The following MED17 variants were observed in gnomAD, a reference collection of about 807,000 sequenced individuals.
MED17 encodes the protein mediator complex subunit 17.
A neutral mutation model predicts 80.8 loss-of-function variants in MED17; 49 were observed. That is an observed-to-expected ratio of 0.61 (90% confidence interval 0.48 to 0.77). MED17 has a LOEUF of 0.77. Among genes scored for constraint, MED17 ranks in the 30% least tolerant of loss-of-function variants. The pLI is 0.00. For missense variants in MED17, 718 were observed against 787.0 expected, an observed-to-expected ratio of 0.91 and a Z score of 1.05; for synonymous variants, 281 against 280.4, an observed-to-expected ratio of 1.00 and a Z score of -0.02.
chr11:93,806,809 C>G (rs1044103760), intron 9 of MED17: 29 of 152,180 alleles, frequency 1.9e-4, no homozygotes, highest in African/African-American at 6.5e-4. Context: ...TTGGATTTTC[C>G]TGGATGGTGG....
chr11:93,793,319 TTGGTCTTGGC>T (rs1405035350), intron 3 of MED17: 1 of 190,080 alleles, frequency 5.3e-6, no homozygotes, highest in Non-Finnish European at 1.1e-5. Context: ...TTTCTCCATG[TTGGTCTTGGC>T]TGGTCTTGAA....
Position 93,784,449 on chromosome 11 carries a change from C to A in MED17, c.-65C>A. Reference sequence around the variant, plus strand: ...AGTTCCCGGCTCTCCGCAGGGAAGCCTCCTCTTCGTACCTCGTTTTTTGGC... The same window carrying A: ...AGTTCCCGGCTCTCCGCAGGGAAGCATCCTCTTCGTACCTCGTTTTTTGGC... On this transcript the variant is annotated 5_prime_UTR_variant, in exon 1 of 12. Transcript: ENST00000251871. 1.3e-6 allele frequency: 2 copies of A among 1,541,986 alleles called. No homozygotes were observed. The highest frequency in any genetic ancestry group is 1.7e-6 in the Non-Finnish European group (2 of 1,146,434).
In MED17 at chr11:93,813,531, T is replaced by G. The variant is rs1487849071; in HGVS notation, c.*1467T>G. ...CTCACATAAGGAGTCTTTTATGTGA[T>G]TTTGAAGGCTCAGGCTAGAAGAGTG... On this transcript the variant is annotated 3_prime_UTR_variant, in exon 12 of 12. Coordinates refer to ENST00000251871, the MANE Select transcript of MED17 (RefSeq NM_004268.5). The G allele has an allele frequency of 6.6e-6, 1 of 152,180 alleles. No individual in the cohort carries two copies. Among genetic ancestry groups the G allele is most frequent in the African/African-American group, 2.4e-5 (1 of 41,432 alleles). 9.4% of individuals were successfully genotyped at this position (152,180 alleles called of 1,614,324 possible).
chr11:93,784,731 C>T lies in MED17; in HGVS notation c.218C>T (p.Ala73Val), dbSNP rs552402057. The change falls in exon 1 of 12, where the codon GCC (alanine) becomes GTC (valine). Residue 73 changes from alanine (A) to valine (V), a missense_variant. Transcript: ENST00000251871. Reference sequence around the variant, plus strand: ...GGCGACGCGCAGGAGTGGCCGGGCGCCGGGTCCAGCGCAGACCAGGACGAC... The same window carrying T: ...GGCGACGCGCAGGAGTGGCCGGGCGTCGGGTCCAGCGCAGACCAGGACGAC... ...TEGDAQEWPG[A>V]GSSADQDDEE... 4 of 1,543,300 alleles carry T rather than the reference C, an allele frequency of 2.6e-6. No individual in the cohort carries two copies. Among genetic ancestry groups the T allele is most frequent in the Admixed American group, 2.0e-5 (1 of 51,022 alleles).
rs561357364 is a variant in MED17, at chr11:93,807,409, T to C, written c.1467-109T>C. 1.4e-4 allele frequency: 110 copies of C among 761,286 alleles called. 1 individual carries two copies. The East Asian group carries it at 2.1e-3, about 14-fold the overall frequency. The allele number at this position is 761,286 out of a possible 1,614,324, so 47.2% of individuals were successfully genotyped here. Reference sequence around the variant, plus strand: ...GCCTGGGCAACAGGCTTTGAGACTTTGTCTAAAAAATAATAATATTTTCTA... The same window carrying C: ...GCCTGGGCAACAGGCTTTGAGACTTCGTCTAAAAAATAATAATATTTTCTA... On this transcript the variant is annotated intron_variant, in intron 9 of 11. Transcript: ENST00000251871.
intron 10 of MED17, chr11:93,807,955 T>A (rs1056389434): frequency 8.5e-6 from 3 of 354,648 alleles, no homozygotes; most frequent in Non-Finnish European, 1.6e-5. Flanking sequence ...TCTCCAGAGT[T>A]GTTGTAGAAA....
chr11:93,797,659 C>T lies in MED17; in HGVS notation c.1268C>T (p.Ser423Phe). 1.2e-6 allele frequency: 2 copies of T among 1,613,674 alleles called. No individual in the cohort carries two copies. Among genetic ancestry groups the T allele is most frequent in the Non-Finnish European group, 1.7e-6 (2 of 1,179,670 alleles). The change falls in exon 8 of 12, where the codon TCC (serine) becomes TTC (phenylalanine). Residue 423 changes from serine (S) to phenylalanine (F), a missense_variant. Physicochemically the swap from Ser to Phe is radical, Grantham distance 155. Transcript: ENST00000251871. Reference sequence around the variant, plus strand: ...AAAAATGAAATTAATTCATTACAGTCCAGTGAAGGGCTTCTGGAAAAAATA... The same window carrying T: ...AAAAATGAAATTAATTCATTACAGTTCAGTGAAGGGCTTCTGGAAAAAATA... The part of the protein sequence containing the change: ...FDKNEINSLQ[S>F]SEGLLEKIIK...
At position 93,813,411 on chromosome 11, in the gene MED17, A is replaced by T. The variant is rs988710337; in HGVS notation, c.*1347A>T. On this transcript the variant is annotated 3_prime_UTR_variant, in exon 12 of 12. Transcript: ENST00000251871. ...ATCCATGGAAATTAAAATAATTGGT[A>T]TGAATTTGCAGTTATTTAAAAATCT... is the stretch of plus-strand genomic sequence containing the variant. 2.6e-5 allele frequency: 4 copies of T among 152,206 alleles called. No individual in the cohort carries two copies. The highest frequency in any genetic ancestry group is 2.0e-4 in the Admixed American group (3 of 15,282). 9.4% of individuals were successfully genotyped at this position (152,206 alleles called of 1,614,324 possible).
chr11:93,801,663 G>GCT (rs1943963027), intron 8 of MED17, 172 bp from the exon 9 acceptor site: 2 of 616,894 alleles, frequency 3.2e-6, no homozygotes, highest in Admixed American at 5.4e-5. Flanking sequence ...CATTCAAGCA[G>GCT]TATGAAAGGG....
chr11:93,797,215 C>T, intron 7 of MED17: 1 of 292,476 alleles, frequency 3.4e-6, no homozygotes. Flanking sequence ...AGCTTGAGAT[C>T]CTTTTGTGGT....
In MED17 at chr11:93,784,507, A is replaced by C. The variant is rs781204828; in HGVS notation, c.-7A>C. ...GGGTCCTCCCACCGCTGGCCGACGC[A>C]GCCAGCATGTCCGGGGTGCGCGCAG... On this transcript the variant is annotated 5_prime_UTR_variant, in exon 1 of 12. Transcript: ENST00000251871. 6 of 1,594,652 alleles carry C rather than the reference A, an allele frequency of 3.8e-6. No individual in the cohort carries two copies. Among genetic ancestry groups the C allele is most frequent in the African/African-American group, 1.3e-5 (1 of 74,568 alleles).
At chr11:93,787,097 G>C (rs1943778454) in intron 1 of MED17, among the ~76,000 whole-genome samples, 1 of 152,050 alleles carries the variant, frequency 6.6e-6, no homozygotes, top group Admixed American at 6.6e-5. Flanking sequence ...GTATGTAAGT[G>C]CATAGAAAAA....
At chr11:93,798,726 G>C (rs1305504698) in intron 8 of MED17, among the ~76,000 whole-genome samples, 2 of 152,122 alleles carry the variant, frequency 1.3e-5, no homozygotes, top group African/African-American at 4.8e-5. Flanking sequence ...GTCAATAGCA[G>C]GTATAGGAGT....
At chr11:93,794,769 G>C in intron 5 of MED17, 139 bp from the exon 6 acceptor site, 2 of 921,478 alleles carry the variant, frequency 2.2e-6, no homozygotes, top group Non-Finnish European at 1.6e-6. Context: ...AGTCTCTATA[G>C]AGACTGAATA....
chr11:93,789,894 G>A (rs1396617793), intron 2 of MED17: 1 of 153,000 alleles, frequency 6.5e-6, no homozygotes, highest in Non-Finnish European at 1.5e-5. Flanking sequence ...GTAGGTCAAG[G>A]CTATGGTGAG....
chr11:93,809,444 G>A (rs1944063473), intron 10 of MED17: 1 of 487,236 alleles, frequency 2.1e-6, no homozygotes, highest in African/African-American at 1.9e-5. Flanking sequence ...ATCTAGATGA[G>A]AGTCTTCAGT....
chr11:93,796,353 T>G, intron 6 of MED17, 57 bp from the exon 7 acceptor site: 1 of 1,446,956 alleles, frequency 6.9e-7, no homozygotes, highest in Non-Finnish European at 9.7e-7. Context: ...TGAAGACAGT[T>G]TATGCCTTTC....
rs61904957 is a variant in MED17, at chr11:93,812,468, T to G, written c.*404T>G. On this transcript the variant is annotated 3_prime_UTR_variant, in exon 12 of 12. Transcript: ENST00000251871. ...AACTTTTTTTTTTTGAGATGGTATC[T>G]CACTCTGTAGCCCAGTCTGGAGTGC... is the stretch of plus-strand genomic sequence containing the variant. 36,612 of 356,590 alleles carry G rather than the reference T, an allele frequency of 0.1. 2,082 individuals are homozygous for G. The highest frequency in any genetic ancestry group is 0.13 in the South Asian group (3,268 of 25,472). 22.1% of individuals were successfully genotyped at this position (356,590 alleles called of 1,614,324 possible). A position where few individuals can be genotyped will look rare whatever the true frequency, so the allele number is the denominator to read the frequency against.
chr11:93,790,196 A>G, intron 2 of MED17: 1 of 323,556 alleles, frequency 3.1e-6, no homozygotes, highest in South Asian at 2.7e-5. Context: ...GAGATTATAG[A>G]TGTTAATCAG....
Sources: allele counts gnomAD v4.1 joint callset (sites outside exome capture counted in the v4.1 genomes callset), GRCh38; gene constraint gnomAD v4.1.1; transcripts MANE v1.5; gene names NCBI Gene and HGNC (gene_info 2026-07-23, HGNC 2026-07-21).